The following NEURL4 variants were observed in gnomAD, a reference collection of about 807,000 sequenced individuals.
NEURL4 encodes neuralized E3 ubiquitin protein ligase 4, also known as neuralized-like protein 4.
NEURL4 carries 45 observed loss-of-function variants against 148.0 expected under a neutral mutation model. That is an observed-to-expected ratio of 0.30 (90% CI 0.24 to 0.39). NEURL4 has a LOEUF of 0.39. Ranked by LOEUF, NEURL4 falls within the 10% of genes least tolerant of loss-of-function variation. The pLI is 1.00. For missense variants in NEURL4, 1,776 were observed against 2,144.0 expected, an observed-to-expected ratio of 0.83 and a Z score of 3.39; for synonymous variants, 854 against 869.0, an observed-to-expected ratio of 0.98 and a Z score of 0.30.
Position 7,321,839 on chromosome 17 carries a change from C to A in NEURL4, c.2871+26G>T. ...GCCCTGTCGTGATGGGCCTCGCAGC[C>A]CCTCTGTCACATCACTACGGCCTAC... is the stretch of plus-strand genomic sequence containing the variant. On this transcript the variant is annotated intron_variant, in intron 17 of 28. Transcript: ENST00000399464. The surrounding 1 kb of genome is among the most constrained non-coding windows in gnomAD (Gnocchi z 6.3). 6.2e-7 allele frequency: 1 copy of A among 1,611,874 alleles called. No homozygotes were observed. The highest frequency in any genetic ancestry group is 8.5e-7 in the Non-Finnish European group (1 of 1,178,452).
Position 7,324,451 on chromosome 17 carries a change from T to A in NEURL4, c.1843A>T (p.Met615Leu). Residue 615 changes from methionine (M) to leucine (L), a missense_variant, in exon 10 of 29, where the codon ATG becomes TTG. By Grantham distance (15) the Met-to-Leu change is conservative. Coordinates refer to ENST00000399464, the MANE Select transcript of NEURL4 (RefSeq NM_032442.3). The surrounding 1 kb of genome is among the most constrained non-coding windows in gnomAD (Gnocchi z 5.9). ...GTWMMTGNGV[M>L]HNGTTILDEY... Reference sequence around the variant, plus strand: ...TCCAGGATGGTCGTCCCATTGTGCATCACCCCATTCCCAGTCATCATCCAG... The same window carrying A: ...TCCAGGATGGTCGTCCCATTGTGCAACACCCCATTCCCAGTCATCATCCAG... The A allele has an allele frequency of 1.2e-6, 2 of 1,614,140 alleles. No homozygotes were observed. Among genetic ancestry groups the A allele is most frequent in the Non-Finnish European group, 1.7e-6 (2 of 1,180,002 alleles).
chr17:7,316,858 G>A (rs1405685262), intron 28 of NEURL4, among the ~76,000 whole-genome samples: 2 of 152,080 alleles, frequency 1.3e-5, no homozygotes, highest in African/African-American at 2.4e-5. Flanking sequence ...GGAGGTGGAG[G>A]TTGCAGTGAG....
rs1386759892 is a variant in NEURL4, at chr17:7,321,169, A to G, written c.3303T>C (p.Ser1101=). 1 of 1,613,844 alleles carries G rather than the reference A, an allele frequency of 6.2e-7. No individual in the cohort carries two copies. Among genetic ancestry groups the G allele is most frequent in the Non-Finnish European group, 8.5e-7 (1 of 1,180,022 alleles). ...ESEGTQPPSP[S]SDTGSEGEED... is the part of the protein sequence containing the mutation. Reference sequence around the variant, plus strand: ...CCTCGCCCTCACTGCCGGTGTCTGAACTGGGGGAAGGAGGCTGGGTGCCTT... The same window carrying G: ...CCTCGCCCTCACTGCCGGTGTCTGAGCTGGGGGAAGGAGGCTGGGTGCCTT... The change falls in exon 20 of 29, where the codon AGT becomes AGC. Residue 1101 remains serine (S), a synonymous_variant. Coordinates refer to ENST00000399464, the MANE Select transcript of NEURL4 (RefSeq NM_032442.3). The surrounding 1 kb of genome is among the most constrained non-coding windows in gnomAD (Gnocchi z 6.3).
At chr17:7,323,144 G>A (rs749825948) in intron 14 of NEURL4, 21 bp from the exon 15 acceptor site, 2 of 1,602,942 alleles carry the variant, frequency 1.2e-6, no homozygotes, top group East Asian at 2.2e-5. Context: ...GGCAGAAGGG[G>A]TGAGTCAGCC....
Position 7,323,031 on chromosome 17 carries a change from A to G in NEURL4, c.2510T>C (p.Met837Thr). 1 of 1,613,758 alleles carries G rather than the reference A, an allele frequency of 6.2e-7. No individual in the cohort carries two copies. Among genetic ancestry groups the G allele is most frequent in the Non-Finnish European group, 8.5e-7 (1 of 1,179,990 alleles). ...GTGCAGGTCGCCCTTGGCAGTTCGCATCATGCCAATGCGTGCACCTGTGCC... is the reference window on the plus strand; with the variant it reads ...GTGCAGGTCGCCCTTGGCAGTTCGCGTCATGCCAATGCGTGCACCTGTGCC... ...ALGTGARIGMMRTAKGDLHYF... is the reference protein window; with the variant it reads ...ALGTGARIGMTRTAKGDLHYF... Residue 837 changes from methionine to threonine, a missense_variant, in exon 15 of 29, where the codon ATG becomes ACG. Physicochemically the swap from Met to Thr is moderately conservative, Grantham distance 81. Coordinates refer to ENST00000399464, the MANE Select transcript of NEURL4 (RefSeq NM_032442.3).
rs2073140753 is a variant in NEURL4, at chr17:7,329,125, C to T, written c.188G>A (p.Arg63Gln). ...SLSACGRTARRQQPGQEFNHG... is the reference protein window; with the variant it reads ...SLSACGRTARQQQPGQEFNHG... ...GTTAAACTCCTGGCCCGGCTGCTGCCGCCGCGCCGTACGCCCACAGGCCGA... is the reference window on the plus strand; with the variant it reads ...GTTAAACTCCTGGCCCGGCTGCTGCTGCCGCGCCGTACGCCCACAGGCCGA... The change falls in exon 1 of 29, where the codon CGG (arginine) becomes CAG (glutamine). Residue 63 changes from arginine (R) to glutamine (Q), a missense_variant. Coordinates refer to ENST00000399464, the MANE Select transcript of NEURL4 (RefSeq NM_032442.3). 1.9e-6 allele frequency: 3 copies of T among 1,609,856 alleles called. No individual in the cohort carries two copies. The highest frequency in any genetic ancestry group is 1.7e-6 in the Non-Finnish European group (2 of 1,179,158).
Position 7,318,465 on chromosome 17 carries a change from C to A in NEURL4, c.3864+30G>T. Reference sequence around the variant, plus strand: ...CCTGGACAGCGCAGACTCTCAGGCACCCCTCCTCCCTGCCCCCACTGCCAC... The same window carrying A: ...CCTGGACAGCGCAGACTCTCAGGCAACCCTCCTCCCTGCCCCCACTGCCAC... On this transcript the variant is annotated intron_variant, in intron 23 of 28. Coordinates refer to ENST00000399464, the MANE Select transcript of NEURL4 (RefSeq NM_032442.3). This position sits in a 1 kb window ranked among gnomAD's most constrained non-coding sequence, Gnocchi z 4.3. The A allele has an allele frequency of 1.2e-6, 2 of 1,601,334 alleles. No individual in the cohort carries two copies. The highest frequency in any genetic ancestry group is 1.7e-6 in the Non-Finnish European group (2 of 1,172,032).
intron 14 of NEURL4, 130 bp from the exon 15 acceptor site, chr17:7,323,253 C>G (rs2073056332): frequency 3.9e-6 from 4 of 1,028,560 alleles, no homozygotes; most frequent in Non-Finnish European, 5.7e-6. Context: ...AAGGCCCAAT[C>G]CTATCTCCTC....
Position 7,323,845 on chromosome 17 carries a change from C to T in NEURL4, c.2230G>A (p.Glu744Lys), listed in dbSNP as rs776863354. The T allele has an allele frequency of 3.7e-6, 6 of 1,614,130 alleles. No individual in the cohort carries two copies. Among genetic ancestry groups the T allele is most frequent in the Middle Eastern group, 1.6e-4 (1 of 6,062 alleles). ...RTALRHNCRS[E>K]FNDAIVISNR... is the part of the protein sequence containing the mutation. The stretch of plus-strand genomic sequence containing the variant: ...GAGATGACGATGGCGTCATTAAACT[C>T]GCTGCGACAGTTGTGGCGGAGGGCG... Residue 744 changes from glutamate to lysine, a missense_variant, in exon 12 of 29, where the codon GAG (glutamate) becomes AAG (lysine). Transcript: ENST00000399464.
In NEURL4 at chr17:7,318,756, C is replaced by T; in HGVS notation, c.3685-82G>A. The T allele has an allele frequency of 6.9e-7, 1 of 1,454,720 alleles. No individual in the cohort carries two copies. Among genetic ancestry groups the T allele is most frequent in the East Asian group, 2.4e-5 (1 of 42,312 alleles). The allele number at this position is 1,454,720 out of a possible 1,614,324, so 90.1% of individuals were successfully genotyped here. On this transcript the variant is annotated intron_variant, in intron 22 of 28. Coordinates refer to ENST00000399464, the MANE Select transcript of NEURL4 (RefSeq NM_032442.3). The surrounding 1 kb of genome is among the most constrained non-coding windows in gnomAD (Gnocchi z 4.3). Reference sequence around the variant, plus strand: ...CGCCCTTTGCTCTGCTTCCTTTTGCCAGTGCCTTGGCTTTGCCTCCATGCT... The same window carrying T: ...CGCCCTTTGCTCTGCTTCCTTTTGCTAGTGCCTTGGCTTTGCCTCCATGCT...
chr17:7,320,747 G>T lies in NEURL4; in HGVS notation c.3525+12C>A. 1 of 1,609,324 alleles carries T rather than the reference G, an allele frequency of 6.2e-7. No individual in the cohort carries two copies. The highest frequency in any genetic ancestry group is 1.1e-5 in the South Asian group (1 of 90,664). ...GAGCGAGAGAAGCTGGGGATAGGGA[G>T]GGAGAACCCACCTGCACCAGCAGCT... On this transcript the variant is annotated intron_variant, in intron 21 of 28. Coordinates refer to ENST00000399464, the MANE Select transcript of NEURL4 (RefSeq NM_032442.3).
intron 13 of NEURL4, 32 bp downstream of exon 13, chr17:7,323,615 A>G (rs368141691): frequency 1.9e-6 from 3 of 1,613,632 alleles, no homozygotes; most frequent in Non-Finnish European, 2.5e-6. Context: ...ACAGACATCC[A>G]ACAGCCCCCA....
rs1417589700 is a variant in NEURL4, at chr17:7,324,717, G to A, written c.1813+82C>T. 3.4e-6 allele frequency: 5 copies of A among 1,450,546 alleles called. No homozygotes were observed. Among genetic ancestry groups the A allele is most frequent in the Non-Finnish European group, 2.9e-6 (3 of 1,042,400 alleles). 89.9% of individuals were successfully genotyped at this position (1,450,546 alleles called of 1,614,324 possible). A position where few individuals can be genotyped will look rare whatever the true frequency, so the allele number is the denominator to read the frequency against. ...GTCACAAGAGTGACAAGTGAAAAAG[G>A]AGCTGCAGAACAAGTGCCAGGGCTT... On this transcript the variant is annotated intron_variant, in intron 9 of 28. Coordinates refer to ENST00000399464, the MANE Select transcript of NEURL4 (RefSeq NM_032442.3). The surrounding 1 kb of genome is among the most constrained non-coding windows in gnomAD (Gnocchi z 5.9).
In NEURL4 at chr17:7,318,052, CTG is replaced by C. The variant is rs776288799; in HGVS notation, c.4060+11_4060+12del. 1 of 1,614,012 alleles carries C rather than the reference CTG, an allele frequency of 6.2e-7. No homozygotes were observed. Among genetic ancestry groups the C allele is most frequent in the Admixed American group, 1.7e-5 (1 of 60,032 alleles). Reference sequence around the variant, plus strand: ...TGGGAATGAAGTCAGTTCTGGCGGACTGTGGGACTCACCGGGAAGCAGCAGGA... The same window carrying C: ...TGGGAATGAAGTCAGTTCTGGCGGACTGGGACTCACCGGGAAGCAGCAGGA... On this transcript the variant is annotated intron_variant, in intron 25 of 28. Coordinates refer to ENST00000399464, the MANE Select transcript of NEURL4 (RefSeq NM_032442.3). This position sits in a 1 kb window ranked among gnomAD's most constrained non-coding sequence, Gnocchi z 4.3.
Position 7,325,315 on chromosome 17 carries a change from G to A in NEURL4, c.1525C>T (p.Arg509Cys), listed in dbSNP as rs374223716. ...TCTGCCTGGGCGGCAGGGGCAGCAC[G>A]GCGGAGAGCACCCTCGGGGGACAGC... ...RALSPEGALR[R>C]AAPAAQAEPE... is the part of the protein sequence containing the mutation. Residue 509 changes from arginine to cysteine, a missense_variant, in exon 8 of 29, where the codon CGT becomes TGT. Arg to Cys is a radical substitution (Grantham distance 180). Transcript: ENST00000399464. 22 of 1,612,848 alleles carry A rather than the reference G, an allele frequency of 1.4e-5. No homozygotes were observed. Among genetic ancestry groups the A allele is most frequent in the Admixed American group, 3.4e-5 (2 of 59,650 alleles).
rs751662996 is a variant in NEURL4, at chr17:7,318,169, A to C, written c.3956T>G (p.Ile1319Ser). ...TGGACCCCAGCACACACTCTCTTTG[A>C]TACCTGAGGGAGCAGAGGGGCACAG... The part of the protein sequence containing the change: ...DMEKADMVDG[I>S]KESVCWGPPP... The change falls in exon 25 of 29, where the codon ATC becomes AGC. Residue 1319 changes from isoleucine (I) to serine (S), a missense_variant. By Grantham distance (142) the Ile-to-Ser change is moderately radical. Transcript: ENST00000399464. This position sits in a 1 kb window ranked among gnomAD's most constrained non-coding sequence, Gnocchi z 4.3. 6.2e-7 allele frequency: 1 copy of C among 1,613,846 alleles called. No homozygotes were observed. Among genetic ancestry groups the C allele is most frequent in the Non-Finnish European group, 8.5e-7 (1 of 1,179,850 alleles).
rs769725643 is a variant in NEURL4, at chr17:7,320,839, G to C, written c.3445C>G (p.Arg1149Gly). The change falls in exon 21 of 29, where the codon CGT becomes GGT. Residue 1149 changes from arginine (R) to glycine (G), a missense_variant. Transcript: ENST00000399464. Reference protein sequence around the residue: ...GKNILLSNGNRTATRVASYNQ... With the variant: ...GKNILLSNGNGTATRVASYNQ... Reference sequence around the variant, plus strand: ...TAGCTGGCCACCCGTGTGGCCGTACGGTTCCCATTAGACAAAAGGATATTC... The same window carrying C: ...TAGCTGGCCACCCGTGTGGCCGTACCGTTCCCATTAGACAAAAGGATATTC... 2 of 1,613,918 alleles carry C rather than the reference G, an allele frequency of 1.2e-6. No homozygotes were observed. The highest frequency in any genetic ancestry group is 1.7e-6 in the Non-Finnish European group (2 of 1,179,964).
Position 7,316,178 on chromosome 17 carries a change from A to T in NEURL4, c.4634T>A (p.Val1545Asp). ...PHFSPAELEW[V>D]TKEKGATLLC... ...GAGTGTGGCCCCCTTCTCCTTAGTG[A>T]CCCACTCAAGTTCGGCTGGACTGAA... is the stretch of plus-strand genomic sequence containing the variant. The change falls in exon 29 of 29, where the codon GTC becomes GAC. Residue 1545 changes from valine (V) to aspartate (D), a missense_variant. Val to Asp is a radical substitution (Grantham distance 152, BLOSUM62 -3). Coordinates refer to ENST00000399464, the MANE Select transcript of NEURL4 (RefSeq NM_032442.3). 1 of 1,602,728 alleles carries T rather than the reference A, an allele frequency of 6.2e-7. No homozygotes were observed.
Position 7,321,366 on chromosome 17 carries a change from C to G in NEURL4, c.3193G>C (p.Ala1065Pro), listed in dbSNP as rs748523029. Residue 1065 changes from alanine (A) to proline (P), a missense_variant, in exon 19 of 29, where the codon GCC (alanine) becomes CCC (proline). Ala to Pro is a conservative substitution (Grantham distance 27). Coordinates refer to ENST00000399464, the MANE Select transcript of NEURL4 (RefSeq NM_032442.3). The surrounding 1 kb of genome is among the most constrained non-coding windows in gnomAD (Gnocchi z 6.3). ...EDMGPAATGI[A>P]KNVWAVLDLY... Reference sequence around the variant, plus strand: ...AAGGAAGCGTTCAGGTCTACCTTGGCAATGCCAGTGGCTGCAGGCCCCATA... The same window carrying G: ...AAGGAAGCGTTCAGGTCTACCTTGGGAATGCCAGTGGCTGCAGGCCCCATA... 26 of 1,614,048 alleles carry G rather than the reference C, an allele frequency of 1.6e-5. No homozygotes were observed. The highest frequency in any genetic ancestry group is 2.1e-5 in the Non-Finnish European group (25 of 1,179,984).
Sources: gnomAD v4.1 joint callset for allele counts (sites outside exome capture counted in the v4.1 genomes callset) on GRCh38, gnomAD v4.1.1 for gene constraint, Gnocchi (gnomAD v3.1) non-coding constraint, MANE v1.5 for transcripts, NCBI Gene and HGNC (gene_info 2026-07-23, HGNC 2026-07-21) for gene names.